Variants in PACS1 observed in about 807,000 individuals in gnomAD.
PACS1 encodes phosphofurin acidic cluster sorting protein 1.
A neutral mutation model predicts 115.0 loss-of-function variants in PACS1; 24 were observed. That is an observed-to-expected ratio of 0.21 (90% confidence interval 0.15 to 0.29). The LOEUF is 0.29. PACS1 is among the 10% of genes least tolerant of loss of function. PACS1 has a pLI of 1.00. For missense variants in PACS1, 838 were observed against 1,251.2 expected, an observed-to-expected ratio of 0.67 and a Z score of 4.98; for synonymous variants, 453 against 504.5, an observed-to-expected ratio of 0.90 and a Z score of 1.37.
rs1046844974 is a variant in PACS1, at chr11:66,236,992, C to G, written c.2250+1052C>G. Among the ~76,000 whole-genome samples, 7 of 152,200 alleles carry G rather than the reference C, an allele frequency of 4.6e-5. No homozygotes were observed. Among genetic ancestry groups the G allele is most frequent in the African/African-American group, 7.2e-5 (3 of 41,458 alleles). Reference sequence around the variant, plus strand: ...GGAGTGCAGTGGCGCGATCTCGACTCACTGCAACCTCCGCCTCCCAGGTTC... The same window carrying G: ...GGAGTGCAGTGGCGCGATCTCGACTGACTGCAACCTCCGCCTCCCAGGTTC... On this transcript the variant is annotated intron_variant, in intron 19 of 23. Coordinates refer to ENST00000320580, the MANE Select transcript of PACS1 (RefSeq NM_018026.4). The surrounding 1 kb of genome is among the most constrained non-coding windows in gnomAD (Gnocchi z 4.2).
chr11:66,072,274 G>C (rs1857321617), intron 1 of PACS1, among the ~76,000 whole-genome samples: 1 of 152,034 alleles, frequency 6.6e-6, no homozygotes, highest in South Asian at 2.1e-4. Context: ...ATTCTGTTGT[G>C]TGAATGAATA....
chr11:66,217,548 C>T (rs1421945387), intron 7 of PACS1: 3 of 456,072 alleles, frequency 6.6e-6, no homozygotes, highest in Non-Finnish European at 1.3e-5. Context: ...AGCCGAGATG[C>T]CCACCCCTTC....
At chr11:66,202,738 AAAAAATATATATATAT>A (rs1306544186) in intron 2 of PACS1, among the ~76,000 whole-genome samples, 4 of 64,894 alleles carry the variant, frequency 6.2e-5, no homozygotes, top group African/African-American at 2.6e-4. Context: ...AAAAAAAAAA[AAAAAATATATATATAT>A]ATATATATAT....
chr11:66,075,927 C>T (rs755673336), intron 1 of PACS1, among the ~76,000 whole-genome samples: 21 of 152,062 alleles, frequency 1.4e-4, no homozygotes, highest in Non-Finnish European at 2.1e-4. Context: ...TTAGTAGAGA[C>T]GGGGTTTTAC....
chr11:66,220,279 C>G, intron 8 of PACS1: 1 of 309,578 alleles, frequency 3.2e-6, no homozygotes. Flanking sequence ...AGTGGGCTAA[C>G]AGAGGGATAA....
intron 1 of PACS1, chr11:66,121,001 C>A (rs1481445862): frequency 1.1e-5 from 5 of 456,158 alleles, no homozygotes; most frequent in Non-Finnish European, 4.4e-6. Flanking sequence ...TATTGTGCTT[C>A]ACTTTCTTGT....
intron 1 of PACS1, among the ~76,000 whole-genome samples, chr11:66,089,317 G>C (rs1210853485): frequency 6.6e-6 from 1 of 152,138 alleles, no homozygotes; most frequent in Non-Finnish European, 1.5e-5. Flanking sequence ...TATTATGACA[G>C]TTATTATAGT....
intron 10 of PACS1, among the ~76,000 whole-genome samples, chr11:66,222,577 G>C (rs1208537042): frequency 2.0e-5 from 3 of 152,092 alleles, no homozygotes; most frequent in African/African-American, 7.2e-5. Flanking sequence ...CTTAGGATTT[G>C]CCCTCCAAAG....
At chr11:66,205,511 T>G (rs1228928052) in intron 2 of PACS1, among the ~76,000 whole-genome samples, 1 of 151,846 alleles carries the variant, frequency 6.6e-6, no homozygotes, top group African/African-American at 2.4e-5. Flanking sequence ...CCAAAATGTC[T>G]TATGTACCCC....
chr11:66,192,299 C>G (rs1854544299), intron 1 of PACS1, among the ~76,000 whole-genome samples: 1 of 152,196 alleles, frequency 6.6e-6, no homozygotes, highest in African/African-American at 2.4e-5. Context: ...CCGGAAGTTA[C>G]ACTCCAGTGG....
At chr11:66,095,665 C>A (rs1383055162) in intron 1 of PACS1, among the ~76,000 whole-genome samples, 8 of 152,172 alleles carry the variant, frequency 5.3e-5, no homozygotes, top group Non-Finnish European at 8.8e-5. Context: ...ACCATGTTGG[C>A]CAGGATGGTC....
At chr11:66,152,476 C>T (rs1382616214) in intron 1 of PACS1, among the ~76,000 whole-genome samples, 4 of 152,096 alleles carry the variant, frequency 2.6e-5, no homozygotes, top group African/African-American at 7.2e-5. Flanking sequence ...GAAATAATAT[C>T]CCCAAACTTC....
intron 1 of PACS1, among the ~76,000 whole-genome samples, chr11:66,102,114 A>C (rs1857931149): frequency 6.6e-6 from 1 of 152,240 alleles, no homozygotes; most frequent in East Asian, 1.9e-4. Flanking sequence ...AACATCCTTG[A>C]TCTCTTCTCC....
chr11:66,156,212 ATATATATATATATAT>A, intron 1 of PACS1, among the ~76,000 whole-genome samples: 1 of 4,174 alleles, frequency 2.4e-4, no homozygotes, highest in Admixed American at 2.7e-3. Context: ...AATTATATAT[ATATATATATATATAT>A]ATATATATAT....
At chr11:66,147,096 G>A (rs542968579) in intron 1 of PACS1, among the ~76,000 whole-genome samples, 1 of 152,182 alleles carries the variant, frequency 6.6e-6, no homozygotes, top group South Asian at 2.1e-4. Flanking sequence ...AGAATGTCTT[G>A]AAAGCAGCAA....
At chr11:66,239,013 A>G in intron 20 of PACS1, 129 bp from the exon 21 acceptor site, 1 of 1,439,122 alleles carries the variant, frequency 6.9e-7, no homozygotes, top group Non-Finnish European at 9.6e-7. Flanking sequence ...TGGCTGGGGG[A>G]GGTGGAAGGA....
chr11:66,097,073 T>C (rs982417142), intron 1 of PACS1, among the ~76,000 whole-genome samples: 1 of 152,044 alleles, frequency 6.6e-6, no homozygotes, highest in African/African-American at 2.4e-5. Flanking sequence ...TGTTTAAACT[T>C]TGTAAGAAAC....
chr11:66,162,122 T>G (rs1239065300), intron 1 of PACS1, among the ~76,000 whole-genome samples: 1 of 127,914 alleles, frequency 7.8e-6, no homozygotes, highest in South Asian at 2.9e-4. Context: ...GTTTTTTTTT[T>G]TTTTTTTTTT....
chr11:66,233,597 C>T lies in PACS1; in HGVS notation c.1839-188C>T, dbSNP rs1855644860. Among the ~76,000 whole-genome samples the T allele has an allele frequency of 6.6e-6, 1 of 152,252 alleles. No homozygotes were observed. On this transcript the variant is annotated intron_variant, in intron 15 of 23. Coordinates refer to ENST00000320580, the MANE Select transcript of PACS1 (RefSeq NM_018026.4). This position sits in a 1 kb window ranked among gnomAD's most constrained non-coding sequence, Gnocchi z 4.5. ...GCTTCATGGGCAATGCCCTCTGACCCTGGATTTTTCTCTTGGTTGTGAAAG... is the reference window on the plus strand; with the variant it reads ...GCTTCATGGGCAATGCCCTCTGACCTTGGATTTTTCTCTTGGTTGTGAAAG...
Sources: allele counts gnomAD v4.1 joint callset (sites outside exome capture counted in the v4.1 genomes callset), GRCh38; gene constraint gnomAD v4.1.1; non-coding constraint Gnocchi (gnomAD v3.1); transcripts MANE v1.5; gene names NCBI Gene and HGNC (gene_info 2026-07-23, HGNC 2026-07-21).